Variants in CTNNA2 observed in about 807,000 individuals in gnomAD.
The protein encoded by CTNNA2 is catenin alpha 2.
In CTNNA2, 42 loss-of-function variants were observed where a neutral mutation model predicts 101.0. The ratio of observed to expected loss-of-function variants is 0.42; its 90% CI spans 0.32 to 0.54. CTNNA2 has a LOEUF of 0.54. Among genes scored for constraint, CTNNA2 ranks in the 20% least tolerant of loss-of-function variants. The pLI, the probability that CTNNA2 is intolerant of heterozygous loss-of-function variation, is 0.14. For missense variants in CTNNA2, 871 were observed against 1,223.1 expected (o/e 0.71, Z 4.29); for synonymous variants, 450 against 456.4 (o/e 0.99, Z 0.18).
chr2:80,122,767 G>A lies in CTNNA2; in HGVS notation c.1056+212970G>A, dbSNP rs574767757. 6.0e-4 allele frequency among the ~76,000 whole-genome samples: 92 copies of A among 152,142 alleles called. 1 individual carries two copies. Among genetic ancestry groups the A allele is most frequent in the South Asian group, 1.5e-3 (7 of 4,822 alleles). On this transcript the variant is annotated intron_variant, in intron 7 of 18. Transcript: ENST00000402739. ...TGTGTGTGTGCGCATGTGCATATGT[G>A]TGTGAATAGATAATACAGTCCCTGC...
intron 12 of CTNNA2, among the ~76,000 whole-genome samples, chr2:80,558,710 T>G (rs1411849280): frequency 6.6e-6 from 1 of 152,050 alleles, no homozygotes; most frequent in Admixed American, 6.6e-5. Flanking sequence ...GAGAGTACAT[T>G]GTAGGGTGAG....
In CTNNA2 at chr2:79,768,540, T is replaced by C. The variant is rs112463393; in HGVS notation, c.298+23958T>C. On this transcript the variant is annotated intron_variant, in intron 3 of 18. Transcript: ENST00000402739. The stretch of plus-strand genomic sequence containing the variant: ...TGCCTCCTCCCCAGCTTTCTTGTCT[T>C]GAGACAAGACACAGTAAATATTTAA... Among the ~76,000 whole-genome samples the C allele has an allele frequency of 6.2e-4, 94 of 151,860 alleles. 2 individuals carry two copies. Among genetic ancestry groups the C allele is most frequent in the Admixed American group, 2.9e-3 (44 of 15,276 alleles).
chr2:79,790,462 A>G lies in CTNNA2; in HGVS notation c.298+45880A>G, dbSNP rs117484089. Among the ~76,000 whole-genome samples, 108 of 152,288 alleles carry G rather than the reference A, an allele frequency of 7.1e-4. No homozygotes were observed. In the East Asian group the frequency reaches 0.018, roughly 25 times the overall value. On this transcript the variant is annotated intron_variant, in intron 3 of 18. Transcript: ENST00000402739. Reference sequence around the variant, plus strand: ...GTGAGGGTAAAATGCCAAAAAGAGTAGGTGTAGAGGTAAATGGGATTTGAG... The same window carrying G: ...GTGAGGGTAAAATGCCAAAAAGAGTGGGTGTAGAGGTAAATGGGATTTGAG...
At chr2:79,321,124 G>A (rs968472489) in intron 3 of CTNNA2, among the ~76,000 whole-genome samples, 1 of 152,122 alleles carries the variant, frequency 6.6e-6, no homozygotes, top group Non-Finnish European at 1.5e-5. Flanking sequence ...ATCTTAAAGG[G>A]TGTAGATGTT....
chr2:79,297,179 T>G lies in CTNNA2; in HGVS notation c.-405-15530T>G, dbSNP rs1030955797. 8.8e-5 allele frequency among the ~76,000 whole-genome samples: 7 copies of G among 79,102 alleles called. No individual in the cohort carries two copies. The African/African-American group carries it at 1.0e-3, about 12-fold the overall frequency. The allele number at this position is 79,102 out of a possible 152,430, so 51.9% of individuals were successfully genotyped here. A position where few individuals can be genotyped will look rare whatever the true frequency, so the allele number is the denominator to read the frequency against. On this transcript the variant is annotated intron_variant, in intron 2 of 21. Coordinates refer to the CTNNA2 transcript ENST00000466387. ...TGATTTTTGATTTTTTGGTTTGTCA[T>G]TTGTTTGTTTGTTTGTTTGTTTGTT...
At chr2:80,057,835 G>T (rs926703590) in intron 7 of CTNNA2, among the ~76,000 whole-genome samples, 11 of 152,106 alleles carry the variant, frequency 7.2e-5, no homozygotes, top group Non-Finnish European at 1.5e-4. Context: ...ATACTTTCAT[G>T]CAACAAGCCA....
chr2:80,537,341 T>C (rs1334684777), intron 9 of CTNNA2, among the ~76,000 whole-genome samples: 4 of 152,236 alleles, frequency 2.6e-5, no homozygotes, highest in Non-Finnish European at 1.5e-5. Context: ...GACATTTGGT[T>C]GGTACTATGC....
Position 79,655,493 on chromosome 2 carries a change from A to G in CTNNA2, c.102+3835A>G, listed in dbSNP as rs143638950. Among the ~76,000 whole-genome samples, 219 of 152,290 alleles carry G rather than the reference A, an allele frequency of 1.4e-3. 1 individual carries two copies. The highest frequency in any genetic ancestry group is 5.1e-3 in the African/African-American group (211 of 41,572). On this transcript the variant is annotated intron_variant, in intron 2 of 18. Coordinates refer to ENST00000402739, the MANE Select transcript of CTNNA2 (RefSeq NM_001282597.3). ...TTATGTACTTATATTTTACCCTTGA[A>G]TTTAGCTTATCTAAATCATAGCACA...
chr2:80,584,779 C>T (rs1028036190), intron 14 of CTNNA2, among the ~76,000 whole-genome samples: 7 of 152,030 alleles, frequency 4.6e-5, no homozygotes, highest in African/African-American at 1.7e-4. Context: ...CAGGATTTAT[C>T]ATATAAATAT....
chr2:79,371,629 A>G (rs1164030123), intron 3 of CTNNA2, among the ~76,000 whole-genome samples: 1 of 152,150 alleles, frequency 6.6e-6, no homozygotes, highest in African/African-American at 2.4e-5. Context: ...TCCCTACCCT[A>G]CTTTGCAGGA....
chr2:80,574,080 G>A, intron 12 of CTNNA2, 83 bp from the exon 13 acceptor site: 1 of 1,443,654 alleles, frequency 6.9e-7, no homozygotes, highest in East Asian at 2.3e-5. Flanking sequence ...AATGCCCGAG[G>A]ACCTGCCACT....
At chr2:79,191,073 A>T (rs1050657717) in intron 1 of CTNNA2, among the ~76,000 whole-genome samples, 2 of 152,174 alleles carry the variant, frequency 1.3e-5, no homozygotes, top group Non-Finnish European at 2.9e-5. Context: ...ATTCTAGTCC[A>T]ATTACACACT....
intron 2 of CTNNA2, among the ~76,000 whole-genome samples, chr2:79,242,387 TGGA>T (rs1213539204): frequency 6.6e-6 from 1 of 152,174 alleles, no homozygotes; most frequent in Admixed American, 6.5e-5. Flanking sequence ...CTCTTCTTCA[TGGA>T]GGTGATTTGG....
At chr2:80,261,940 T>C (rs925221885) in intron 7 of CTNNA2, among the ~76,000 whole-genome samples, 3 of 152,216 alleles carry the variant, frequency 2.0e-5, no homozygotes, top group African/African-American at 7.2e-5. Context: ...TACATAAATG[T>C]GGTGACATCT....
At chr2:79,215,130 C>A (rs573656369) in intron 2 of CTNNA2, among the ~76,000 whole-genome samples, 1 of 152,206 alleles carries the variant, frequency 6.6e-6, no homozygotes, top group Admixed American at 6.5e-5. Context: ...GCGCCTTGGG[C>A]CAGAGTTCCA....
At chr2:79,236,256 C>T (rs1169626372) in intron 2 of CTNNA2, among the ~76,000 whole-genome samples, 1 of 152,204 alleles carries the variant, frequency 6.6e-6, no homozygotes, top group Non-Finnish European at 1.5e-5. Flanking sequence ...GCTCAGCCTC[C>T]TGTGTACCTA....
chr2:79,459,985 G>A (rs1426177412), intron 4 of CTNNA2, among the ~76,000 whole-genome samples: 1 of 152,012 alleles, frequency 6.6e-6, no homozygotes, highest in Admixed American at 6.6e-5. Context: ...CCAGGGTGGG[G>A]ACTTGGTCTC....
At chr2:79,793,194 T>C (rs1265277100) in intron 3 of CTNNA2, among the ~76,000 whole-genome samples, 1 of 152,232 alleles carries the variant, frequency 6.6e-6, no homozygotes, top group African/African-American at 2.4e-5. Flanking sequence ...ATGTGCAGTA[T>C]TGCAGTGCCA....
intron 7 of CTNNA2, among the ~76,000 whole-genome samples, chr2:79,913,422 A>G (rs902477857): frequency 1.3e-5 from 2 of 152,142 alleles, no homozygotes; most frequent in East Asian, 1.9e-4. Context: ...TGGCGTCTGT[A>G]TGGTGCTGAG....
Sources: allele counts gnomAD v4.1 joint callset (sites outside exome capture counted in the v4.1 genomes callset), GRCh38; gene constraint gnomAD v4.1.1; transcripts MANE v1.5; gene names NCBI Gene and HGNC (gene_info 2026-07-23, HGNC 2026-07-21).